Variants in USP36 observed in about 807,000 individuals in gnomAD.
USP36 encodes ubiquitin specific peptidase 36, also known as ubiquitin carboxyl-terminal hydrolase 36.
USP36 carries 59 observed loss-of-function variants against 111.5 expected under a neutral mutation model. That is an observed-to-expected ratio of 0.53 (90% CI 0.43 to 0.66). The LOEUF (loss-of-function observed/expected upper bound fraction) is 0.66. Among genes scored for constraint, USP36 ranks in the 30% least tolerant of loss-of-function variants. USP36 has a pLI of 0.00. For missense variants in USP36, 1,488 were observed against 1,468.0 expected (o/e 1.01, Z -0.22); for synonymous variants, 628 against 581.0 (o/e 1.08, Z -1.16).
chr17:78,839,458 A>G (rs1325857203), intron 1 of USP36, among the ~76,000 whole-genome samples: 1 of 152,350 alleles, frequency 6.6e-6, no homozygotes, highest in South Asian at 2.1e-4. Context: ...GAAGACATCC[A>G]GTCGTATTAA....
chr17:78,807,578 A>G lies in USP36; in HGVS notation c.1466T>C (p.Ile489Thr), dbSNP rs1421642671. The G allele has an allele frequency of 6.2e-7, 1 of 1,600,452 alleles. No homozygotes were observed. Among genetic ancestry groups the G allele is most frequent in the Non-Finnish European group, 8.5e-7 (1 of 1,173,414 alleles). The change falls in exon 14 of 21, where the codon ATA becomes ACA. Residue 489 changes from isoleucine (I) to threonine (T), a missense_variant. Physicochemically the swap from Ile to Thr is moderately conservative, Grantham distance 89. Transcript: ENST00000449938. ...GCCCAGGGTGGAGCCATTCCTGGATATGGGCACACCAATCTCTTCAGTGGT... is the reference window on the plus strand; with the variant it reads ...GCCCAGGGTGGAGCCATTCCTGGATGTGGGCACACCAATCTCTTCAGTGGT... Reference protein sequence around the residue: ...PHTTEEIGVPISRNGSTLGLK... With the variant: ...PHTTEEIGVPTSRNGSTLGLK...
Position 78,815,267 on chromosome 17 carries a change from G to T in USP36, c.1024-715C>A, listed in dbSNP as rs576010076. 2.6e-5 allele frequency among the ~76,000 whole-genome samples: 4 copies of T among 152,080 alleles called. No homozygotes were observed. In the East Asian group the frequency reaches 5.8e-4, roughly 22 times the overall value. On this transcript the variant is annotated intron_variant, in intron 10 of 20. Coordinates refer to ENST00000449938, the MANE Select transcript of USP36 (RefSeq NM_001385174.1). ...GAATCGCTTGAAACCAGGAGGTGGAGGTTACAGTGAGCCGAGATCATACCA... is the reference window on the plus strand; with the variant it reads ...GAATCGCTTGAAACCAGGAGGTGGATGTTACAGTGAGCCGAGATCATACCA...
chr17:78,830,265 A>G (rs78113812), intron 4 of USP36, among the ~76,000 whole-genome samples: 77 of 152,348 alleles, frequency 5.1e-4, no homozygotes, highest in African/African-American at 1.8e-3. Context: ...CTTCCTTTCT[A>G]TAAATCGTAT....
At position 78,799,900 on chromosome 17, in the gene USP36, T is replaced by C. The variant is rs957419883; in HGVS notation, c.3023-132A>G. The C allele has an allele frequency of 9.5e-5, 59 of 622,224 alleles. 2 individuals carry two copies. In the South Asian group the frequency reaches 1.2e-3, roughly 13 times the overall value. The allele number at this position is 622,224 out of a possible 1,614,324, so 38.5% of individuals were successfully genotyped here. ...GCCTTTTTTTTTTTTTTTTTTTTTT[T>C]TTTTTAAAGACAGGGTCTCACTATG... is the stretch of plus-strand genomic sequence containing the variant. On this transcript the variant is annotated intron_variant, in intron 17 of 20. Transcript: ENST00000449938.
At chr17:78,820,878 G>T in intron 8 of USP36, 113 bp downstream of exon 8, 1 of 1,144,628 alleles carries the variant, frequency 8.7e-7, no homozygotes. Context: ...AGGGAGCAAA[G>T]GAGTTTTCTC....
chr17:78,802,678 C>CA, intron 16 of USP36, 143 bp from the exon 17 acceptor site: 1 of 796,758 alleles, frequency 1.3e-6, no homozygotes. Flanking sequence ...TTCTTCCCCC[C>CA]ACACGCATTA....
rs968867639 is a variant in USP36, at chr17:78,834,997, G to GTGTATATATATATATATATA, written c.475+282_475+283insTATATATATATATATATACA. 3.8e-4 allele frequency among the ~76,000 whole-genome samples: 54 copies of GTGTATATATATATATATATA among 141,432 alleles called. 2 individuals carry two copies. The highest frequency in any genetic ancestry group is 1.4e-3 in the African/African-American group (51 of 35,850). 92.8% of individuals were successfully genotyped at this position (141,432 alleles called of 152,430 possible). Reference sequence around the variant, plus strand: ...TACTGTCTCTAAAAAAATAATATTTGTATATATATATATATATATATTTTG... The same window carrying GTGTATATATATATATATATA: ...TACTGTCTCTAAAAAAATAATATTTGTGTATATATATATATATATATATATATATATATATATATATTTTG... On this transcript the variant is annotated intron_variant, in intron 4 of 20. Transcript: ENST00000449938.
In USP36 at chr17:78,798,206, A is replaced by C; in HGVS notation, c.*20+194T>G. The C allele has an allele frequency of 1.5e-6, 1 of 669,640 alleles. No homozygotes were observed. Among genetic ancestry groups the C allele is most frequent in the Non-Finnish European group, 2.5e-6 (1 of 402,864 alleles). The allele number at this position is 669,640 out of a possible 1,614,324, so 41.5% of individuals were successfully genotyped here. A position where few individuals can be genotyped will look rare whatever the true frequency, so the allele number is the denominator to read the frequency against. Reference sequence around the variant, plus strand: ...ACACCCCCTTATACACACGCATCCCACACACACCCTTCTCCAAGTGACTAG... The same window carrying C: ...ACACCCCCTTATACACACGCATCCCCCACACACCCTTCTCCAAGTGACTAG... On this transcript the variant is annotated intron_variant, in intron 20 of 20. Transcript: ENST00000449938. This position sits in a 1 kb window ranked among gnomAD's most constrained non-coding sequence, Gnocchi z 5.1.
Position 78,835,269 on chromosome 17 carries a change from C to A in USP36, c.475+11G>T, listed in dbSNP as rs747793769. ...CCCACAGCCACCCCACTGCTGCAAA[C>A]CCACACTCACAGCTGCGAGCATGCT... On this transcript the variant is annotated intron_variant, in intron 4 of 20. Coordinates refer to ENST00000449938, the MANE Select transcript of USP36 (RefSeq NM_001385174.1). The A allele has an allele frequency of 1.9e-6, 3 of 1,613,194 alleles. No homozygotes were observed. The highest frequency in any genetic ancestry group is 8.5e-7 in the Non-Finnish European group (1 of 1,179,730).
rs558732144 is a variant in USP36 at position 78,807,243 on chromosome 17, C to G, written c.1801G>C (p.Glu601Gln). 1 of 1,614,046 alleles carries G rather than the reference C, an allele frequency of 6.2e-7. No individual in the cohort carries two copies. ...ANGHGLKGNDESAGLDRRGSS... is the reference protein window; with the variant it reads ...ANGHGLKGNDQSAGLDRRGSS... ...CCCCTCCTGTCGAGGCCAGCGCTCT[C>G]GTCGTTCCCCTTCAGCCCATGCCCG... The change falls in exon 14 of 21, where the codon GAG becomes CAG. Residue 601 changes from glutamate (E) to glutamine (Q), a missense_variant. By Grantham distance (29) the Glu-to-Gln change is conservative (BLOSUM62 2). Transcript: ENST00000449938.
In USP36 at chr17:78,831,234, A is replaced by AG. The variant is rs1304580106; in HGVS notation, c.476-2228_476-2227insC. On this transcript the variant is annotated intron_variant, in intron 4 of 20. Transcript: ENST00000449938. ...GAGTGAAACTCCATCTCAAAAAAAA[A>AG]AAAAAAAAAAAAAAAAAAAGGGACA... is the stretch of plus-strand genomic sequence containing the variant. Among the ~76,000 whole-genome samples, 220 of 146,136 alleles carry AG rather than the reference A, an allele frequency of 1.5e-3. 11 individuals carry two copies. The highest frequency in any genetic ancestry group is 5.3e-3 in the African/African-American group (207 of 39,284).
chr17:78,811,130 C>CAAA lies in USP36; in HGVS notation c.1407+1727_1407+1729dup, dbSNP rs969048033. On this transcript the variant is annotated intron_variant, in intron 13 of 20. Transcript: ENST00000449938. Reference sequence around the variant, plus strand: ...TCAGTGACAGAGCGAGACTCTGTCTCAAAAAAAAAAAAAAAAAAAAAAAAA... The same window carrying CAAA: ...TCAGTGACAGAGCGAGACTCTGTCTCAAAAAAAAAAAAAAAAAAAAAAAAAAAA... Among the ~76,000 whole-genome samples the CAAA allele has an allele frequency of 7.4e-4, 21 of 28,328 alleles. 1 individual carries two copies. Among genetic ancestry groups the CAAA allele is most frequent in the African/African-American group, 1.4e-3 (11 of 7,742 alleles). The allele number at this position is 28,328 out of a possible 152,430, so 18.6% of individuals were successfully genotyped here.
At position 78,818,988 on chromosome 17, in the gene USP36, G is replaced by A. The variant is rs548776512; in HGVS notation, c.912-210C>T. On this transcript the variant is annotated intron_variant, in intron 9 of 20. Coordinates refer to ENST00000449938, the MANE Select transcript of USP36 (RefSeq NM_001385174.1). Reference sequence around the variant, plus strand: ...ACAGGGAAATAAGACTACAGAAAGTGGGAAGATTCTAAAGCAAAAAAATAA... The same window carrying A: ...ACAGGGAAATAAGACTACAGAAAGTAGGAAGATTCTAAAGCAAAAAAATAA... The A allele has an allele frequency of 1.8e-5, 9 of 494,134 alleles. No individual in the cohort carries two copies. In the East Asian group the frequency reaches 2.9e-4, roughly 16 times the overall value. The allele number at this position is 494,134 out of a possible 1,614,324, so 30.6% of individuals were successfully genotyped here. A position where few individuals can be genotyped will look rare whatever the true frequency, so the allele number is the denominator to read the frequency against.
At chr17:78,794,855 A>G (rs34238419), downstream of USP36, among the ~76,000 whole-genome samples, 4,478 of 151,918 alleles carry the variant, frequency 0.029, 125 homozygotes, top group South Asian at 0.15. Context: ...AAAAATACAA[A>G]AATTAGTCAG....
chr17:78,823,757 A>G (rs924220175), intron 6 of USP36, among the ~76,000 whole-genome samples: 1 of 152,100 alleles, frequency 6.6e-6, no homozygotes, highest in African/African-American at 2.4e-5. Flanking sequence ...AAAAGGGGAA[A>G]CATCAGGGTC....
At chr17:78,840,488 G>A (rs2277702) in intron 1 of USP36, 4,536 of 152,500 alleles carry the variant, frequency 0.03, 119 homozygotes, top group South Asian at 0.14. Flanking sequence ...GCGGAGACCG[G>A]CGAGGACAGC....
chr17:78,811,607 C>G (rs552329788), intron 13 of USP36, among the ~76,000 whole-genome samples: 1 of 152,078 alleles, frequency 6.6e-6, no homozygotes, highest in Non-Finnish European at 1.5e-5. Context: ...CAGTGGCTCA[C>G]GTCTGTAATC....
At chr17:78,829,673 CAGAG>C (rs947154328) in intron 4 of USP36, among the ~76,000 whole-genome samples, 7 of 152,216 alleles carry the variant, frequency 4.6e-5, no homozygotes, top group African/African-American at 1.7e-4. Flanking sequence ...TTTACACACA[CAGAG>C]AGCAGGCCAG....
In USP36 at chr17:78,807,419, G is replaced by A. The variant is rs1394567827; in HGVS notation, c.1625C>T (p.Pro542Leu). 6.2e-6 allele frequency: 10 copies of A among 1,614,180 alleles called. No homozygotes were observed. Among genetic ancestry groups the A allele is most frequent in the South Asian group, 1.1e-5 (1 of 91,084 alleles). ...AGCAGTTCTGGGGGAAAAGTGCTGT[G>A]GAGGAGCTGGCTTCTTCACCTTCTT... ...PGKKVKKPAP[P>L]QHFSPRTAQG... The change falls in exon 14 of 21, where the codon CCA becomes CTA. Residue 542 changes from proline (P) to leucine (L), a missense_variant. Transcript: ENST00000449938.
Sources: allele counts gnomAD v4.1 joint callset (sites outside exome capture counted in the v4.1 genomes callset), GRCh38; gene constraint gnomAD v4.1.1; non-coding constraint Gnocchi (gnomAD v3.1); transcripts MANE v1.5; gene names NCBI Gene and HGNC (gene_info 2026-07-23, HGNC 2026-07-21).